The following INSL6 variants were observed in gnomAD, a reference collection of about 807,000 sequenced individuals.
INSL6 encodes the protein insulin-like peptide INSL6.
A neutral mutation model predicts 9.4 loss-of-function variants in INSL6; 16 were observed. That is an observed-to-expected ratio of 1.70 (90% CI 1.15 to 2.59). INSL6 has a LOEUF of 2.59. Ranked by LOEUF, INSL6 falls within the 30% of genes most tolerant of loss-of-function variation. The pLI is 0.00. For missense variants in INSL6, 391 were observed against 257.3 expected (o/e 1.52, Z -3.56); for synonymous variants, 154 against 96.9 (o/e 1.59, Z -3.46).
At chr9:5,039,428 A>C in the INSL6 span, among the ~76,000 whole-genome samples, 2 of 152,158 alleles carry the variant, frequency 1.3e-5, no homozygotes, top group African/African-American at 4.8e-5. Context: ...AGTATACTGA[A>C]GGATGTGCAC....
At chr9:5,049,412 T>G in the INSL6 span, among the ~76,000 whole-genome samples, 62 of 152,324 alleles carry the variant, frequency 4.1e-4, no homozygotes, top group African/African-American at 1.5e-3. Context: ...TCTGGTGCTT[T>G]TGTGTGTGTG....
At chr9:5,085,941 T>G in the INSL6 span, 1 of 1,118,694 alleles carries the variant, frequency 8.9e-7, no homozygotes, top group South Asian at 1.2e-5. Context: ...CCAACCGAGT[T>G]TGAAAGGATC....
At chr9:5,059,857 T>G in the INSL6 span, among the ~76,000 whole-genome samples, 4 of 152,334 alleles carry the variant, frequency 2.6e-5, no homozygotes, top group Middle Eastern at 6.8e-3. Context: ...TCTTATGAAG[T>G]GCCTGTGACA....
chr9:5,101,509 A>C, the INSL6 span, among the ~76,000 whole-genome samples: 1 of 152,256 alleles, frequency 6.6e-6, no homozygotes, highest in Non-Finnish European at 1.5e-5. Context: ...CCTGTCTGAC[A>C]GCTCTGAAGA....
At chr9:5,124,006 C>T (rs1165874322) in exon 4 of INSL6, among the ~76,000 whole-genome samples, 3 of 150,998 alleles carry the variant, frequency 2.0e-5, no homozygotes, top group African/African-American at 7.3e-5. Flanking sequence ...GTTTGGGTGT[C>T]TTCTTTTGAA....
At chr9:5,013,394 C>T in the INSL6 span, among the ~76,000 whole-genome samples, 2 of 152,166 alleles carry the variant, frequency 1.3e-5, no homozygotes, top group African/African-American at 4.8e-5. Flanking sequence ...ATGGTTATAT[C>T]TTGCAATAGA....
the INSL6 span, among the ~76,000 whole-genome samples, chr9:5,095,333 A>G: frequency 6.6e-6 from 1 of 152,038 alleles, no homozygotes; most frequent in Non-Finnish European, 1.5e-5. Flanking sequence ...CTAGGAATAA[A>G]TATAGTAGTT....
chr9:5,175,245 G>A (rs537901985), intron 1 of INSL6, among the ~76,000 whole-genome samples: 3 of 152,196 alleles, frequency 2.0e-5, no homozygotes, highest in Admixed American at 1.3e-4. Context: ...TGGCCATGGA[G>A]TCATTCTTGA....
At position 5,177,907 on chromosome 9, in the gene INSL6, G is replaced by C. The variant is rs561131303; in HGVS notation, c.289+7407C>G. On this transcript the variant is annotated intron_variant, in intron 1 of 1. Coordinates refer to ENST00000381641, the MANE Select transcript of INSL6 (RefSeq NM_007179.3). ...TTTTTCTTTTTTGAGTTGGAGTCTC[G>C]CTCTGTCACCCAGGCTGGAGTACAG... Among the ~76,000 whole-genome samples, 5 of 151,994 alleles carry C rather than the reference G, an allele frequency of 3.3e-5. No individual in the cohort carries two copies. The South Asian group carries it at 8.4e-4, about 25-fold the overall frequency.
the INSL6 span, among the ~76,000 whole-genome samples, chr9:5,027,673 C>G: frequency 6.6e-6 from 1 of 152,178 alleles, no homozygotes; most frequent in African/African-American, 2.4e-5. Context: ...TTCACTCAAA[C>G]CCTGCCACTG....
chr9:5,107,311 T>A, the INSL6 span, among the ~76,000 whole-genome samples: 2 of 152,182 alleles, frequency 1.3e-5, no homozygotes, highest in African/African-American at 4.8e-5. Flanking sequence ...AATTAATATT[T>A]ATATAGATAA....
the INSL6 span, among the ~76,000 whole-genome samples, chr9:5,103,406 C>T: frequency 6.6e-6 from 1 of 151,756 alleles, no homozygotes; most frequent in Non-Finnish European, 1.5e-5. Flanking sequence ...TACAGCAGCA[C>T]CAAGATTCAT....
At chr9:5,091,490 A>C in the INSL6 span, 1 of 151,840 alleles carries the variant, frequency 6.6e-6, no homozygotes, top group Admixed American at 6.6e-5. Flanking sequence ...GGAGGGGTTG[A>C]TTCATGAGGA....
At chr9:5,026,547 T>C in the INSL6 span, among the ~76,000 whole-genome samples, 1 of 152,212 alleles carries the variant, frequency 6.6e-6, no homozygotes, top group African/African-American at 2.4e-5. Context: ...TAAAATACTT[T>C]TGTGTTCTGT....
chr9:5,140,327 A>C (rs2130886233), intron 2 of INSL6, among the ~76,000 whole-genome samples: 1 of 152,206 alleles, frequency 6.6e-6, no homozygotes, highest in African/African-American at 2.4e-5. Context: ...TCCCTAATGT[A>C]CCTAATCATA....
rs1427644016 is a variant in INSL6, at chr9:5,150,848, C to CAA, written c.376+13330_376+13331insTT. On this transcript the variant is annotated intron_variant, in intron 2 of 3. Transcript: ENST00000649639. ...TCAACAGATGACTGGATAAAGGAGA[C>CAA]ACACACACACACACACACACACACA... 3.9e-4 allele frequency among the ~76,000 whole-genome samples: 26 copies of CAA among 65,948 alleles called. 1 individual carries two copies. In the South Asian group the frequency reaches 8.9e-3, roughly 23 times the overall value. The allele number at this position is 65,948 out of a possible 152,430, so 43.3% of individuals were successfully genotyped here.
chr9:5,085,549 A>T, the INSL6 span: 1 of 702,028 alleles, frequency 1.4e-6, no homozygotes, highest in East Asian at 2.6e-5. Flanking sequence ...TCGGGTTAAA[A>T]TAGATATAAC....
the INSL6 span, among the ~76,000 whole-genome samples, chr9:5,057,622 A>C: frequency 7.7e-6 from 1 of 130,076 alleles, no homozygotes; most frequent in African/African-American, 3.0e-5. Flanking sequence ...TTGCCCTGTC[A>C]TCCAGGCTGG....
At chr9:5,080,736 T>G in the INSL6 span, 407 of 1,324,758 alleles carry the variant, frequency 3.1e-4, 2 homozygotes, top group African/African-American at 5.6e-3. Context: ...TTTATTGTAT[T>G]TAATGAATCA....
Sources: gnomAD v4.1 joint callset for allele counts (sites outside exome capture counted in the v4.1 genomes callset) on GRCh38, gnomAD v4.1.1 for gene constraint, MANE v1.5 for transcripts, NCBI Gene and HGNC (gene_info 2026-07-23, HGNC 2026-07-21) for gene names.